The following FER variants were observed in gnomAD, a reference collection of about 807,000 sequenced individuals.
FER encodes tyrosine-protein kinase Fer.
FER carries 63 observed loss-of-function variants against 111.0 expected under a neutral mutation model. That is an observed-to-expected ratio of 0.57 (90% CI 0.46 to 0.70). FER has a LOEUF of 0.70. Ranked by LOEUF, FER falls within the 30% of genes least tolerant of loss-of-function variation. The pLI, the probability that FER is intolerant of heterozygous loss-of-function variation, is 0.00. For synonymous variants in FER, 327 were observed against 313.9 expected (o/e 1.04, Z -0.44); for missense variants, 914 against 954.0 (o/e 0.96, Z 0.55).
At chr5:108,853,866 A>C (rs1762753715) in intron 5 of FER, among the ~76,000 whole-genome samples, 1 of 152,188 alleles carries the variant, frequency 6.6e-6, no homozygotes, top group Non-Finnish European at 1.5e-5. Flanking sequence ...TTTTAACAGG[A>C]TAATTGTTGT....
intron 5 of FER, among the ~76,000 whole-genome samples, chr5:108,863,054 A>G (rs930801346): frequency 1.8e-4 from 27 of 152,042 alleles, no homozygotes; most frequent in African/African-American, 6.3e-4. Context: ...GTGGGTGGGG[A>G]CAAAAAGGGG....
At chr5:108,959,172 A>T in intron 12 of FER, 53 bp from the exon 13 acceptor site, 2 of 1,564,952 alleles carry the variant, frequency 1.3e-6, no homozygotes, top group Non-Finnish European at 1.7e-6. Context: ...ATGAATGTAG[A>T]TTTTCTAAAG....
chr5:108,816,253 G>A (rs1417123125), intron 3 of FER, among the ~76,000 whole-genome samples: 1 of 152,178 alleles, frequency 6.6e-6, no homozygotes, highest in African/African-American at 2.4e-5. Flanking sequence ...ACTATAACTA[G>A]CTTAACCATG....
rs530469929 is a variant in FER, at chr5:108,961,181, A to G, written c.1656+1834A>G. 1.1e-4 allele frequency among the ~76,000 whole-genome samples: 16 copies of G among 152,320 alleles called. No homozygotes were observed. The East Asian group carries it at 3.1e-3, about 29-fold the overall frequency. ...TATGAATAAAATTCAGTGCAGGAAG[A>G]TATTTTTTATCCAGATTAGGTTAAC... On this transcript the variant is annotated intron_variant, in intron 13 of 19. Transcript: ENST00000281092.
At chr5:108,781,209 G>A (rs1232563693) in intron 2 of FER, among the ~76,000 whole-genome samples, 1 of 152,056 alleles carries the variant, frequency 6.6e-6, no homozygotes, top group Non-Finnish European at 1.5e-5. Context: ...TTGTTTGTTT[G>A]AGATGGAGTC....
At chr5:108,856,472 G>A (rs772836282) in intron 5 of FER, among the ~76,000 whole-genome samples, 6 of 152,146 alleles carry the variant, frequency 3.9e-5, no homozygotes, top group East Asian at 3.9e-4. Context: ...GATACCTTTC[G>A]TATCATAGTA....
At chr5:109,109,508 T>A (rs1449299364) in intron 17 of FER, among the ~76,000 whole-genome samples, 1 of 152,156 alleles carries the variant, frequency 6.6e-6, no homozygotes, top group Non-Finnish European at 1.5e-5. Context: ...TGAATGAAGT[T>A]ACTTACTATG....
intron 13 of FER, among the ~76,000 whole-genome samples, chr5:108,998,320 T>C (rs1440763159): frequency 6.6e-6 from 1 of 152,020 alleles, no homozygotes; most frequent in African/African-American, 2.4e-5. Context: ...TTGTGAAGAC[T>C]GGGAAAAGCA....
At chr5:108,966,715 G>A (rs2149685634) in intron 13 of FER, among the ~76,000 whole-genome samples, 1 of 151,978 alleles carries the variant, frequency 6.6e-6, no homozygotes, top group South Asian at 2.1e-4. Flanking sequence ...TATATGCATG[G>A]ACTTTGGAAA....
At chr5:108,848,042 C>T (rs932073162) in intron 5 of FER, among the ~76,000 whole-genome samples, 31 of 152,208 alleles carry the variant, frequency 2.0e-4, no homozygotes, top group African/African-American at 7.2e-4. Context: ...CATGTGTTGC[C>T]ATGCCCAGCT....
intron 16 of FER, among the ~76,000 whole-genome samples, chr5:109,060,787 T>TAC (rs1554128981): frequency 0.074 from 11,127 of 149,760 alleles, 501 homozygotes; most frequent in Middle Eastern, 0.16. Context: ...TATATATATA[T>TAC]ACACACCAAA....
intron 8 of FER, among the ~76,000 whole-genome samples, chr5:108,877,929 T>A (rs1490570845): frequency 6.6e-6 from 1 of 152,038 alleles, no homozygotes; most frequent in Non-Finnish European, 1.5e-5. Flanking sequence ...TTTTTTAGAC[T>A]GAGTCTTGCT....
chr5:109,086,210 A>G lies in FER; in HGVS notation c.1925-14186A>G, dbSNP rs187353093. ...TTTAGCTACAAATTTAGTGTTCTTC[A>G]CAATATGGGCTATTTAAATTTTTTT... is the stretch of plus-strand genomic sequence containing the variant. On this transcript the variant is annotated intron_variant, in intron 16 of 19. Transcript: ENST00000281092. Among the ~76,000 whole-genome samples the G allele has an allele frequency of 4.6e-5, 7 of 151,874 alleles. No homozygotes were observed. In the East Asian group the frequency reaches 1.2e-3, roughly 25 times the overall value.
chr5:109,067,306 A>G (rs1461961001), intron 16 of FER, among the ~76,000 whole-genome samples: 2 of 147,206 alleles, frequency 1.4e-5, no homozygotes, highest in African/African-American at 2.5e-5. Context: ...CAGAGATTAC[A>G]TAGGGGACAC....
intron 9 of FER, among the ~76,000 whole-genome samples, chr5:108,894,965 A>T (rs60242248): frequency 6.6e-6 from 1 of 152,166 alleles, no homozygotes; most frequent in Non-Finnish European, 1.5e-5. Flanking sequence ...GACACAGCCA[A>T]ATCATATCGG....
chr5:108,881,568 G>C (rs139258489), intron 8 of FER, among the ~76,000 whole-genome samples: 1 of 152,118 alleles, frequency 6.6e-6, no homozygotes, highest in South Asian at 2.1e-4. Flanking sequence ...ATTACCATAG[G>C]CTGGATGGCT....
At chr5:109,058,476 G>C (rs142132962) in intron 16 of FER, among the ~76,000 whole-genome samples, 1 of 151,856 alleles carries the variant, frequency 6.6e-6, no homozygotes, top group Non-Finnish European at 1.5e-5. Flanking sequence ...AGTATTATAA[G>C]ATTATGTGGT....
intron 1 of FER, among the ~76,000 whole-genome samples, chr5:108,763,174 C>T (rs950690478): frequency 2.6e-5 from 4 of 152,074 alleles, no homozygotes; most frequent in African/African-American, 4.8e-5. Context: ...AAAAATGTGT[C>T]GTTGCCTCAC....
At chr5:109,136,927 G>A (rs1274882792) in intron 17 of FER, among the ~76,000 whole-genome samples, 3 of 152,092 alleles carry the variant, frequency 2.0e-5, no homozygotes, top group Non-Finnish European at 4.4e-5. Flanking sequence ...TTTTATTGGT[G>A]TAAAAGCAAT....
Sources: allele counts gnomAD v4.1 joint callset (sites outside exome capture counted in the v4.1 genomes callset), GRCh38; gene constraint gnomAD v4.1.1; transcripts MANE v1.5; gene names NCBI Gene and HGNC (gene_info 2026-07-23, HGNC 2026-07-21).